Variants in ARHGAP28 observed in about 807,000 individuals in gnomAD.
ARHGAP28 encodes Rho GTPase activating protein 28.
A neutral mutation model predicts 90.7 loss-of-function variants in ARHGAP28; 56 were observed. The ratio of observed to expected loss-of-function variants is 0.62; its 90% CI spans 0.50 to 0.77. The LOEUF is 0.77. Among genes scored for constraint, ARHGAP28 ranks in the 30% least tolerant of loss-of-function variants. The pLI is 0.00. For missense variants in ARHGAP28, 869 were observed against 900.9 expected (o/e 0.96, Z 0.45); for synonymous variants, 308 against 323.3 (o/e 0.95, Z 0.51).
chr18:6,888,930 G>A (rs1004974201), intron 12 of ARHGAP28, among the ~76,000 whole-genome samples: 1 of 152,130 alleles, frequency 6.6e-6, no homozygotes, highest in African/African-American at 2.4e-5. Flanking sequence ...TCAGATCCTG[G>A]CTCTGCCACT....
chr18:6,837,474 G>A, intron 3 of ARHGAP28, 60 bp downstream of exon 3: 1 of 950,132 alleles, frequency 1.1e-6, no homozygotes, highest in Non-Finnish European at 1.7e-6. Flanking sequence ...ATGGGGTAGG[G>A]TGGGGCTGGG....
chr18:6,749,653 G>A (rs541941487), intron 1 of ARHGAP28, among the ~76,000 whole-genome samples: 40 of 152,166 alleles, frequency 2.6e-4, no homozygotes, highest in African/African-American at 9.6e-4. Context: ...TCCACAGAGC[G>A]AGAGATAGCT....
chr18:6,887,430 G>GT (rs10651246), intron 12 of ARHGAP28, among the ~76,000 whole-genome samples, 191 bp downstream of exon 12: 34,947 of 138,012 alleles, frequency 0.25, 4,887 homozygotes, highest in Non-Finnish European at 0.29. Context: ...TTGGTATCTT[G>GT]TTTTTTTTTT....
At chr18:6,841,166 TCC>T (rs2056810710) in intron 3 of ARHGAP28, among the ~76,000 whole-genome samples, 2 of 86,910 alleles carry the variant, frequency 2.3e-5, no homozygotes, top group Non-Finnish European at 4.8e-5. Context: ...TTTCTCTCTC[TCC>T]TCTCTCTCTC....
intron 1 of ARHGAP28, among the ~76,000 whole-genome samples, chr18:6,783,751 G>A (rs971126448): frequency 1.3e-5 from 2 of 152,220 alleles, no homozygotes; most frequent in Non-Finnish European, 2.9e-5. Flanking sequence ...GCCAATGGGA[G>A]GCACAAGAGG....
chr18:6,749,475 C>A (rs1427145705), intron 1 of ARHGAP28, among the ~76,000 whole-genome samples: 2 of 152,128 alleles, frequency 1.3e-5, no homozygotes, highest in Non-Finnish European at 2.9e-5. Context: ...AAACATCTAA[C>A]CTTATTTTTC....
intron 3 of ARHGAP28, 114 bp downstream of exon 3, chr18:6,837,528 AACTTTTTGAGAAAACTAAAGCAG>A (rs1479529981): frequency 7.5e-6 from 6 of 800,442 alleles, no homozygotes; most frequent in Non-Finnish European, 1.2e-5. Context: ...GTTCCATTCT[AACTTTTTGAGAAAACTAAAGCAG>A]ACAGCACAGT....
intron 1 of ARHGAP28, among the ~76,000 whole-genome samples, chr18:6,809,660 T>C (rs912630668): frequency 1.3e-5 from 2 of 152,112 alleles, no homozygotes; most frequent in African/African-American, 4.8e-5. Context: ...TTATTAGAAC[T>C]CTATCATGAA....
At chr18:6,888,809 T>G (rs1166810190) in intron 12 of ARHGAP28, among the ~76,000 whole-genome samples, 1 of 152,160 alleles carries the variant, frequency 6.6e-6, no homozygotes, top group Non-Finnish European at 1.5e-5. Flanking sequence ...ACTGTCTCTC[T>G]CTCTCTCTCT....
chr18:6,827,975 G>A (rs1428416240), intron 2 of ARHGAP28, among the ~76,000 whole-genome samples: 5 of 152,088 alleles, frequency 3.3e-5, no homozygotes, highest in African/African-American at 1.2e-4. Flanking sequence ...CTGCAATCTC[G>A]GCACTTTGGG....
intron 11 of ARHGAP28, among the ~76,000 whole-genome samples, chr18:6,882,982 G>C (rs886717871): frequency 2.6e-5 from 4 of 152,244 alleles, no homozygotes; most frequent in Middle Eastern, 3.4e-3. Flanking sequence ...GTTTGGAAAA[G>C]TAGAATGGGG....
rs77965064 is a variant in ARHGAP28 at position 6,771,469 on chromosome 18, G to A, written c.122+41526G>A. Reference sequence around the variant, plus strand: ...AAAGAAGAGAGATGGGGAGAGGTTCGTATTTCACAAGCAAAGCAAGAGCGT... The same window carrying A: ...AAAGAAGAGAGATGGGGAGAGGTTCATATTTCACAAGCAAAGCAAGAGCGT... On this transcript the variant is annotated intron_variant, in intron 1 of 17. Transcript: ENST00000383472. Among the ~76,000 whole-genome samples, 931 of 152,272 alleles carry A rather than the reference G, an allele frequency of 6.1e-3. 7 individuals carry two copies. The highest frequency in any genetic ancestry group is 8.6e-3 in the Non-Finnish European group (588 of 68,022).
chr18:6,774,575 C>T (rs1332544116), intron 1 of ARHGAP28, among the ~76,000 whole-genome samples: 1 of 152,134 alleles, frequency 6.6e-6, no homozygotes, highest in Non-Finnish European at 1.5e-5. Flanking sequence ...TCTTTTGATT[C>T]CTATTTCTGT....
At chr18:6,744,018 G>A (rs769812460) in intron 1 of ARHGAP28, among the ~76,000 whole-genome samples, 1 of 152,090 alleles carries the variant, frequency 6.6e-6, no homozygotes, top group Non-Finnish European at 1.5e-5. Context: ...GTATGTGAAT[G>A]GTTCAATGAA....
At chr18:6,737,702 T>C (rs928904809) in intron 1 of ARHGAP28, among the ~76,000 whole-genome samples, 2 of 152,212 alleles carry the variant, frequency 1.3e-5, no homozygotes, top group South Asian at 2.1e-4. Context: ...ATATGAAGTT[T>C]CATACATTAT....
At chr18:6,794,070 G>A (rs563949548) in intron 1 of ARHGAP28, among the ~76,000 whole-genome samples, 5 of 152,268 alleles carry the variant, frequency 3.3e-5, no homozygotes, top group African/African-American at 1.2e-4. Context: ...AAAAGTGTAT[G>A]GCGTGCAGTT....
At chr18:6,847,630 GGTGT>G (rs60063372) in intron 3 of ARHGAP28, among the ~76,000 whole-genome samples, 1 of 150,298 alleles carries the variant, frequency 6.7e-6, no homozygotes, top group Non-Finnish European at 1.5e-5. Context: ...AGAGAGTGGG[GGTGT>G]GTGTGTGTGT....
intron 4 of ARHGAP28, among the ~76,000 whole-genome samples, chr18:6,857,652 T>G (rs932671975): frequency 6.6e-6 from 1 of 152,252 alleles, no homozygotes; most frequent in Admixed American, 6.5e-5. Flanking sequence ...GTCCCGTCTA[T>G]CAGAATCTTT....
chr18:6,867,833 G>T (rs1480832721), intron 5 of ARHGAP28, among the ~76,000 whole-genome samples: 1 of 152,096 alleles, frequency 6.6e-6, no homozygotes, highest in African/African-American at 2.4e-5. Context: ...GGTATAAGCA[G>T]CAATATCAAA....
Sources: gnomAD v4.1 joint callset for allele counts (sites outside exome capture counted in the v4.1 genomes callset) on GRCh38, gnomAD v4.1.1 for gene constraint, MANE v1.5 for transcripts, NCBI Gene and HGNC (gene_info 2026-07-23, HGNC 2026-07-21) for gene names.